CDK19: variants seen among roughly 807,000 people sequenced by gnomAD.
CDK19 encodes the protein cyclin dependent kinase 19.
A neutral mutation model predicts 68.3 loss-of-function variants in CDK19; 20 were observed. The ratio of observed to expected loss-of-function variants is 0.29; its 90% CI spans 0.21 to 0.43. The LOEUF is 0.43. CDK19 is among the 20% of genes least tolerant of loss of function. The pLI is 1.00. For missense variants in CDK19, 339 were observed against 623.5 expected, an observed-to-expected ratio of 0.54 and a Z score of 4.86; for synonymous variants, 221 against 222.8, an observed-to-expected ratio of 0.99 and a Z score of 0.07.
intron 2 of CDK19, among the ~76,000 whole-genome samples, chr6:110,709,880 T>G (rs894067599): frequency 6.6e-6 from 1 of 152,178 alleles, no homozygotes; most frequent in Admixed American, 6.6e-5. Flanking sequence ...AAAATAAAAC[T>G]TCTTATACAC....
chr6:110,725,975 C>T lies in CDK19; in HGVS notation c.204+20151G>A, dbSNP rs1167595471. ...AAATAAACTCTTTCAGAAAGCATTT[C>T]TTTTTTTTTCAATCCAACTTGTAAA... On this transcript the variant is annotated intron_variant, in intron 2 of 12. Coordinates refer to ENST00000368911, the MANE Select transcript of CDK19 (RefSeq NM_015076.5). Among the ~76,000 whole-genome samples the T allele has an allele frequency of 9.9e-5, 15 of 150,874 alleles. No homozygotes were observed. The East Asian group carries it at 2.1e-3, about 21-fold the overall frequency.
chr6:110,645,414 A>T (rs1280661373), intron 4 of CDK19, among the ~76,000 whole-genome samples: 1 of 152,258 alleles, frequency 6.6e-6, no homozygotes, highest in Non-Finnish European at 1.5e-5. Context: ...CTAATACAGT[A>T]CTTACAAGGA....
At chr6:110,777,933 A>G (rs764288752) in intron 1 of CDK19, among the ~76,000 whole-genome samples, 1 of 152,206 alleles carries the variant, frequency 6.6e-6, no homozygotes, top group Non-Finnish European at 1.5e-5. Context: ...ACAGTAGTCA[A>G]ATTCATAGAG....
chr6:110,643,378 A>G (rs912569027), intron 4 of CDK19: 2 of 351,294 alleles, frequency 5.7e-6, no homozygotes, highest in African/African-American at 4.4e-5. Context: ...ATCAGATAAA[A>G]TAGCTTTTAA....
chr6:110,705,215 T>G (rs1371152972), intron 2 of CDK19, among the ~76,000 whole-genome samples: 1 of 152,120 alleles, frequency 6.6e-6, no homozygotes, highest in Non-Finnish European at 1.5e-5. Context: ...TAATTTTGTA[T>G]TTTTAGTAGA....
intron 1 of CDK19, among the ~76,000 whole-genome samples, chr6:110,777,491 A>G (rs1347682533): frequency 1.6e-4 from 24 of 152,310 alleles, no homozygotes; most frequent in Non-Finnish European, 2.9e-5. Flanking sequence ...AAATAAAATA[A>G]GAAGGGTTGG....
At chr6:110,614,752 GCCGTTTTCATTAGGTT>G in intron 12 of CDK19, 86 bp from the exon 13 acceptor site, 1 of 1,388,442 alleles carries the variant, frequency 7.2e-7, no homozygotes, top group Middle Eastern at 1.8e-4. Flanking sequence ...AGAGATATAA[GCCGTTTTCATTAGGTT>G]CCTGGTTCAG....
chr6:110,789,099 A>C (rs557143062), intron 1 of CDK19, among the ~76,000 whole-genome samples: 1 of 152,326 alleles, frequency 6.6e-6, no homozygotes, highest in South Asian at 2.1e-4. Context: ...ACTTGAGCTC[A>C]CAGCAATAGC....
chr6:110,640,178 G>A (rs1033368162), intron 4 of CDK19, among the ~76,000 whole-genome samples: 7 of 144,800 alleles, frequency 4.8e-5, no homozygotes, highest in Non-Finnish European at 1.0e-4. Flanking sequence ...ACTACTGTGA[G>A]CCATGATTAT....
At chr6:110,761,290 C>G (rs1779214170) in intron 1 of CDK19, among the ~76,000 whole-genome samples, 1 of 152,248 alleles carries the variant, frequency 6.6e-6, no homozygotes, top group South Asian at 2.1e-4. Context: ...GAAGATAGCA[C>G]AGGCAACTGG....
At chr6:110,727,630 CTCTG>C (rs72197449) in intron 2 of CDK19, among the ~76,000 whole-genome samples, 99,280 of 151,078 alleles carry the variant, frequency 0.66, 34,092 homozygotes, top group Admixed American at 0.81. Context: ...AAAAGAAAAT[CTCTG>C]TCTGCCCTCT....
upstream of CDK19, chr6:110,815,763 G>A (rs1020331261): frequency 6.6e-6 from 1 of 152,452 alleles, no homozygotes; most frequent in Non-Finnish European, 1.5e-5. Context: ...ATACTTCACT[G>A]TAACTAGCCC....
At position 110,791,028 on chromosome 6, in the gene CDK19, G is replaced by A. The variant is rs112420101; in HGVS notation, c.128+23981C>T. ...CTACTAAAAATACAAAAAATTAGCC[G>A]GGCATGGTGGCAGGCACCTGTAGTC... On this transcript the variant is annotated intron_variant, in intron 1 of 12. Transcript: ENST00000368911. Among the ~76,000 whole-genome samples, 818 of 152,046 alleles carry A rather than the reference G, an allele frequency of 5.4e-3. 6 individuals are homozygous for A. The highest frequency in any genetic ancestry group is 0.019 in the African/African-American group (788 of 41,484).
chr6:110,652,481 T>C (rs1781034120), intron 4 of CDK19, among the ~76,000 whole-genome samples: 1 of 152,252 alleles, frequency 6.6e-6, no homozygotes, highest in South Asian at 2.1e-4. Context: ...ATTGTAAAAT[T>C]ATCAAATAAG....
chr6:110,732,571 C>T (rs891638189), intron 2 of CDK19, among the ~76,000 whole-genome samples: 4 of 152,066 alleles, frequency 2.6e-5, no homozygotes, highest in Non-Finnish European at 5.9e-5. Flanking sequence ...TTTAACCTTT[C>T]TACCCTCAAC....
rs767705319 is a variant in CDK19 at position 110,627,012 on chromosome 6, C to T, written c.780G>A (p.Gly260=). The T allele has an allele frequency of 1.9e-6, 3 of 1,610,434 alleles. No individual in the cohort carries two copies. Among genetic ancestry groups the T allele is most frequent in the Non-Finnish European group, 2.5e-6 (3 of 1,178,388 alleles). Residue 260 remains glycine (G), a synonymous_variant, in exon 7 of 13, where the codon GGG becomes GGA. Coordinates refer to ENST00000368911, the MANE Select transcript of CDK19 (RefSeq NM_015076.5). ...AGGAAAATAAATTACCTGCAGGAAA[C>T]CCCATGACACTAAATATCCGATCCA... ...DQLDRIFSVM[G]FPADKDWEDI... is the part of the protein sequence containing the mutation.
chr6:110,647,394 G>A (rs1230372255), intron 4 of CDK19, among the ~76,000 whole-genome samples: 2 of 151,942 alleles, frequency 1.3e-5, no homozygotes, highest in Non-Finnish European at 2.9e-5. Context: ...AGGGGGGTGG[G>A]GGGGAGGGAA....
At chr6:110,698,806 C>G (rs925582707) in intron 2 of CDK19, among the ~76,000 whole-genome samples, 1 of 152,110 alleles carries the variant, frequency 6.6e-6, no homozygotes, top group African/African-American at 2.4e-5. Context: ...TAGCCAGGTG[C>G]AGTGGCTCAC....
intron 2 of CDK19, among the ~76,000 whole-genome samples, chr6:110,724,811 G>C (rs955902825): frequency 6.6e-6 from 1 of 151,918 alleles, no homozygotes; most frequent in African/African-American, 2.4e-5. Context: ...CCGGAATTAA[G>C]TATGTCTAAA....
Sources: gnomAD v4.1 joint callset for allele counts (sites outside exome capture counted in the v4.1 genomes callset) on GRCh38, gnomAD v4.1.1 for gene constraint, MANE v1.5 for transcripts, NCBI Gene and HGNC (gene_info 2026-07-23, HGNC 2026-07-21) for gene names.